The following ROBO3 variants were observed in gnomAD, a reference collection of about 807,000 sequenced individuals.
The protein encoded by ROBO3 is roundabout guidance receptor 3.
A neutral mutation model predicts 160.5 loss-of-function variants in ROBO3; 97 were observed. The observed-to-expected ratio is 0.60, with a 90% CI of 0.51 to 0.72. The LOEUF is 0.72. Among genes scored for constraint, ROBO3 ranks in the 30% least tolerant of loss-of-function variants. ROBO3 has a pLI of 0.00. For synonymous variants in ROBO3, 780 were observed against 746.2 expected, an observed-to-expected ratio of 1.05 and a Z score of -0.74; for missense variants, 1,858 against 1,846.5, an observed-to-expected ratio of 1.01 and a Z score of -0.11.
chr11:124,867,828 G>T (rs1036927179), intron 1 of ROBO3, among the ~76,000 whole-genome samples: 2 of 152,120 alleles, frequency 1.3e-5, no homozygotes, highest in African/African-American at 4.8e-5. Flanking sequence ...TGCTTGAAGT[G>T]GTCCCTGGTT....
In ROBO3 at chr11:124,869,207, A is replaced by G. The variant is rs1366913077; in HGVS notation, c.487+79A>G. On this transcript the variant is annotated intron_variant, in intron 2 of 27. Coordinates refer to ENST00000397801, the MANE Select transcript of ROBO3 (RefSeq NM_022370.4). The surrounding 1 kb of genome is among the most constrained non-coding windows in gnomAD (Gnocchi z 4.2). ...AGGGCACTGGGCAATCAGACCCAGA[A>G]CCAGCCCCAAAGGACTTCAGCCCAC... 7.0e-7 allele frequency: 1 copy of G among 1,423,420 alleles called. No homozygotes were observed. Among genetic ancestry groups the G allele is most frequent in the South Asian group, 1.4e-5 (1 of 72,448 alleles). 88.2% of individuals were successfully genotyped at this position (1,423,420 alleles called of 1,614,324 possible).
chr11:124,868,696 G>C (rs1293885471), intron 1 of ROBO3, 106 bp from the exon 2 acceptor site: 18 of 1,167,688 alleles, frequency 1.5e-5, no homozygotes, highest in Non-Finnish European at 1.9e-5. Flanking sequence ...GCTCCGCAGA[G>C]AAGCATAGGA....
chr11:124,868,099 C>T (rs1450005575), intron 1 of ROBO3, among the ~76,000 whole-genome samples: 3 of 152,192 alleles, frequency 2.0e-5, no homozygotes, highest in African/African-American at 7.2e-5. Flanking sequence ...GGAAACTATG[C>T]ACCTGTCAGG....
Position 124,878,020 on chromosome 11 carries a change from C to T in ROBO3, c.3070C>T (p.Pro1024Ser), listed in dbSNP as rs895434808. 4 of 1,612,428 alleles carry T rather than the reference C, an allele frequency of 2.5e-6. No homozygotes were observed. The highest frequency in any genetic ancestry group is 3.4e-6 in the Non-Finnish European group (4 of 1,179,274). Residue 1024 changes from proline to serine, a missense_variant, in exon 21 of 28, where the codon CCA (proline) becomes TCA (serine). Physicochemically the swap from Pro to Ser is moderately conservative, Grantham distance 74. Coordinates refer to ENST00000397801, the MANE Select transcript of ROBO3 (RefSeq NM_022370.4). This position sits in a 1 kb window ranked among gnomAD's most constrained non-coding sequence, Gnocchi z 4.3. Reference sequence around the variant, plus strand: ...GGGTCCTGTCTATAGCACCATTGACCCAGCGGGGGAGGAGCTGCAGACCTT... The same window carrying T: ...GGGTCCTGTCTATAGCACCATTGACTCAGCGGGGGAGGAGCTGCAGACCTT... The part of the protein sequence containing the change: ...GEGPVYSTID[P>S]AGEELQTFHG...
chr11:124,869,265 T>C lies in ROBO3; in HGVS notation c.487+137T>C. ...CCTTCTTTGGGACCGCGACCTTTGA[T>C]CTCTAATGGCCACACCACGGCCAGA... On this transcript the variant is annotated intron_variant, in intron 2 of 27. Transcript: ENST00000397801. The surrounding 1 kb of genome is among the most constrained non-coding windows in gnomAD (Gnocchi z 4.2). 1 of 1,136,820 alleles carries C rather than the reference T, an allele frequency of 8.8e-7. No individual in the cohort carries two copies. Among genetic ancestry groups the C allele is most frequent in the Non-Finnish European group, 1.3e-6 (1 of 778,366 alleles). The allele number at this position is 1,136,820 out of a possible 1,614,324, so 70.4% of individuals were successfully genotyped here.
rs558215278 is a variant in ROBO3 at position 124,872,398 on chromosome 11, T to A, written c.1176T>A (p.Ser392Arg). 9.3e-6 allele frequency: 15 copies of A among 1,614,008 alleles called. No homozygotes were observed. In the South Asian group the frequency reaches 1.3e-4, roughly 14 times the overall value. The change falls in exon 8 of 28, where the codon AGT becomes AGA. Residue 392 changes from serine to arginine, a missense_variant. Coordinates refer to ENST00000397801, the MANE Select transcript of ROBO3 (RefSeq NM_022370.4). The surrounding 1 kb of genome is among the most constrained non-coding windows in gnomAD (Gnocchi z 4.3). ...KEGSQVLLFP[S>R]QSLQPTGRFS... Reference sequence around the variant, plus strand: ...GTCCCCAGGTCCTGCTTTTCCCCAGTCAGTCACTTCAGCCGACGGGGCGCT... The same window carrying A: ...GTCCCCAGGTCCTGCTTTTCCCCAGACAGTCACTTCAGCCGACGGGGCGCT...
Position 124,875,291 on chromosome 11 carries a change from C to G in ROBO3, c.2254C>G (p.Leu752Val). The change falls in exon 14 of 28, where the codon CTG (leucine) becomes GTG (valine). Residue 752 changes from leucine to valine, a missense_variant. Coordinates refer to ENST00000397801, the MANE Select transcript of ROBO3 (RefSeq NM_022370.4). Reference protein sequence around the residue: ...IKVQAQGQEGLGAESLSVTRS... With the variant: ...IKVQAQGQEGVGAESLSVTRS... ...GGTGCAAGCCCAAGGCCAGGAGGGGCTGGGGGCTGAAAGCCTCTCTGTGAC... is the reference window on the plus strand; with the variant it reads ...GGTGCAAGCCCAAGGCCAGGAGGGGGTGGGGGCTGAAAGCCTCTCTGTGAC... The G allele has an allele frequency of 1.2e-6, 2 of 1,607,780 alleles. No homozygotes were observed. The highest frequency in any genetic ancestry group is 2.2e-5 in the South Asian group (2 of 90,928).
chr11:124,866,990 T>C (rs181330903), intron 1 of ROBO3, among the ~76,000 whole-genome samples: 1 of 152,136 alleles, frequency 6.6e-6, no homozygotes, highest in Admixed American at 6.5e-5. Flanking sequence ...CACCATACTT[T>C]GTCTCATCTA....
chr11:124,876,236 T>A lies in ROBO3; in HGVS notation c.2594-39T>A. On this transcript the variant is annotated intron_variant, in intron 16 of 27. Transcript: ENST00000397801. This position sits in a 1 kb window ranked among gnomAD's most constrained non-coding sequence, Gnocchi z 5.3. The stretch of plus-strand genomic sequence containing the variant: ...AATGACCCTTTCCCAGTTCCAGGGT[T>A]TCGGGCCCCTCCTCCCCTCACTTCT... The A allele has an allele frequency of 6.7e-7, 1 of 1,495,384 alleles. No homozygotes were observed. Among genetic ancestry groups the A allele is most frequent in the Non-Finnish European group, 8.8e-7 (1 of 1,131,208 alleles). 92.6% of individuals were successfully genotyped at this position (1,495,384 alleles called of 1,614,324 possible). A position where few individuals can be genotyped will look rare whatever the true frequency, so the allele number is the denominator to read the frequency against.
chr11:124,876,567 G>T lies in ROBO3; in HGVS notation c.2779+107G>T. ...GAGTGAGGACCGGGTCGGGAGAAAG[G>T]GGTCGCACCTGGAGTTCAGCCTCTT... On this transcript the variant is annotated intron_variant, in intron 17 of 27. Transcript: ENST00000397801. The surrounding 1 kb of genome is among the most constrained non-coding windows in gnomAD (Gnocchi z 5.3). 1.0e-6 allele frequency: 1 copy of T among 974,322 alleles called. No individual in the cohort carries two copies. The highest frequency in any genetic ancestry group is 1.4e-6 in the Non-Finnish European group (1 of 724,564). 60.4% of individuals were successfully genotyped at this position (974,322 alleles called of 1,614,324 possible).
Position 124,876,964 on chromosome 11 carries a change from A to C in ROBO3, c.2780-197A>C. 1 of 677,468 alleles carries C rather than the reference A, an allele frequency of 1.5e-6. No individual in the cohort carries two copies. The highest frequency in any genetic ancestry group is 2.7e-6 in the Non-Finnish European group (1 of 376,238). 42.0% of individuals were successfully genotyped at this position (677,468 alleles called of 1,614,324 possible). A position where few individuals can be genotyped will look rare whatever the true frequency, so the allele number is the denominator to read the frequency against. On this transcript the variant is annotated intron_variant, in intron 17 of 27. Coordinates refer to ENST00000397801, the MANE Select transcript of ROBO3 (RefSeq NM_022370.4). This position sits in a 1 kb window ranked among gnomAD's most constrained non-coding sequence, Gnocchi z 5.3. ...GGTTTTCAATCTTGGTTGGCTACAC[A>C]TAGGAATCACTTGAGGGGCTTGAGA...
chr11:124,869,445 C>CCCCCCA lies in ROBO3; in HGVS notation c.488-3_488-2insCCCACC. 1 of 1,505,508 alleles carries CCCCCCA rather than the reference C, an allele frequency of 6.6e-7. No individual in the cohort carries two copies. Among genetic ancestry groups the CCCCCCA allele is most frequent in the African/African-American group, 1.4e-5 (1 of 70,658 alleles). The allele number at this position is 1,505,508 out of a possible 1,614,324, so 93.3% of individuals were successfully genotyped here. A position where few individuals can be genotyped will look rare whatever the true frequency, so the allele number is the denominator to read the frequency against. On this transcript the variant is annotated splice_polypyrimidine_tract_variant and splice_region_variant and intron_variant, in intron 2 of 27. Transcript: ENST00000397801. This position sits in a 1 kb window ranked among gnomAD's most constrained non-coding sequence, Gnocchi z 4.2. ...GCTTATTTCGCCCCCCACCGCCCCG[C>CCCCCCA]CCAGTCCTCCGTGATGATTTCCGGC...
At chr11:124,866,399 G>A (rs890421342) in intron 1 of ROBO3, among the ~76,000 whole-genome samples, 3 of 152,206 alleles carry the variant, frequency 2.0e-5, no homozygotes, top group African/African-American at 7.2e-5. Flanking sequence ...CTCCCCTAGC[G>A]CCGCGGGGAA....
At chr11:124,867,259 C>T (rs977444062) in intron 1 of ROBO3, among the ~76,000 whole-genome samples, 2 of 152,130 alleles carry the variant, frequency 1.3e-5, no homozygotes, top group African/African-American at 4.8e-5. Flanking sequence ...GAACACAAGC[C>T]CTTAAATAAT....
Position 124,873,245 on chromosome 11 carries a change from G to T in ROBO3, c.1537-65G>T. The T allele has an allele frequency of 6.7e-7, 1 of 1,485,660 alleles. No individual in the cohort carries two copies. Among genetic ancestry groups the T allele is most frequent in the South Asian group, 1.2e-5 (1 of 83,278 alleles). The allele number at this position is 1,485,660 out of a possible 1,614,324, so 92.0% of individuals were successfully genotyped here. ...ACATCTTCCCATCCTTCTGCTACCC[G>T]CCTCCACCCCCTCACTGGATCTTGC... On this transcript the variant is annotated intron_variant, in intron 9 of 27. Coordinates refer to ENST00000397801, the MANE Select transcript of ROBO3 (RefSeq NM_022370.4). The surrounding 1 kb of genome is among the most constrained non-coding windows in gnomAD (Gnocchi z 4.5).
In ROBO3 at chr11:124,868,973, C is replaced by T. The variant is rs1439810262; in HGVS notation, c.332C>T (p.Pro111Leu). The T allele has an allele frequency of 6.2e-7, 1 of 1,603,372 alleles. No individual in the cohort carries two copies. The highest frequency in any genetic ancestry group is 1.1e-5 in the South Asian group (1 of 89,422). The change falls in exon 2 of 28, where the codon CCG becomes CTG. Residue 111 changes from proline (P) to leucine (L), a missense_variant. Transcript: ENST00000397801. ...GARVATVRED[P>L]RAHRLLLPSG... The stretch of plus-strand genomic sequence containing the variant: ...CGTGTGGCCACTGTGCGGGAGGATC[C>T]GCGTGCGCACCGCCTGCTGCTGCCC...
In ROBO3 at chr11:124,869,644, GA is replaced by G. The variant is rs1565309313; in HGVS notation, c.645+38del. On this transcript the variant is annotated intron_variant, in intron 3 of 27. Transcript: ENST00000397801. The surrounding 1 kb of genome is among the most constrained non-coding windows in gnomAD (Gnocchi z 4.2). ...ATTATGATTGGAGACCCCAACAAGG[GA>G]GGGGACATAGGGTAGGGAGGTGACA... 2 of 1,528,764 alleles carry G rather than the reference GA, an allele frequency of 1.3e-6. No individual in the cohort carries two copies. The highest frequency in any genetic ancestry group is 1.8e-6 in the Non-Finnish European group (2 of 1,134,344). The allele number at this position is 1,528,764 out of a possible 1,614,324, so 94.7% of individuals were successfully genotyped here.
In ROBO3 at chr11:124,878,931, AGT is replaced by A. The variant is rs1946480909; in HGVS notation, c.3533+138_3533+139del. ...GGTCTCAGGGCTGTGTCAGGGTGGA[AGT>A]GTAATTTGGGCAGGAATATGGAGGC... is the stretch of plus-strand genomic sequence containing the variant. On this transcript the variant is annotated intron_variant, in intron 23 of 27. Coordinates refer to ENST00000397801, the MANE Select transcript of ROBO3 (RefSeq NM_022370.4). The surrounding 1 kb of genome is among the most constrained non-coding windows in gnomAD (Gnocchi z 4.3). The A allele has an allele frequency of 1.2e-6, 1 of 860,952 alleles. No individual in the cohort carries two copies. The highest frequency in any genetic ancestry group is 1.7e-5 in the African/African-American group (1 of 59,426). 53.3% of individuals were successfully genotyped at this position (860,952 alleles called of 1,614,324 possible). A position where few individuals can be genotyped will look rare whatever the true frequency, so the allele number is the denominator to read the frequency against.
Position 124,881,266 on chromosome 11 carries a change from T to TG in ROBO3, c.*17dup. 6.2e-7 allele frequency: 1 copy of TG among 1,601,120 alleles called. No homozygotes were observed. The highest frequency in any genetic ancestry group is 8.5e-7 in the Non-Finnish European group (1 of 1,173,240). ...ACCAAGATGACCCTTGTTGGGGCAT[T>TG]GAGAATATCATGAGTGCCACGGGGA... On this transcript the variant is annotated 3_prime_UTR_variant, in exon 28 of 28. Coordinates refer to ENST00000397801, the MANE Select transcript of ROBO3 (RefSeq NM_022370.4).
Sources: gnomAD v4.1 joint callset for allele counts (sites outside exome capture counted in the v4.1 genomes callset) on GRCh38, gnomAD v4.1.1 for gene constraint, Gnocchi (gnomAD v3.1) non-coding constraint, MANE v1.5 for transcripts, NCBI Gene and HGNC (gene_info 2026-07-23, HGNC 2026-07-21) for gene names.